The following DOCK6 variants were observed in gnomAD, a reference collection of about 807,000 sequenced individuals.
The protein encoded by DOCK6 is dedicator of cytokinesis protein 6.
A neutral mutation model predicts 230.3 loss-of-function variants in DOCK6; 167 were observed. That is an observed-to-expected ratio of 0.73 (90% CI 0.64 to 0.82). The LOEUF is 0.82. Ranked by LOEUF, DOCK6 falls within the 40% of genes least tolerant of loss-of-function variation. The pLI, the probability that DOCK6 is intolerant of heterozygous loss-of-function variation, is 0.00. For synonymous variants in DOCK6, 1,148 were observed against 1,185.0 expected (o/e 0.97, Z 0.64); for missense variants, 2,598 against 2,825.8 (o/e 0.92, Z 1.83).
intron 28 of DOCK6, 74 bp downstream of exon 28, chr19:11,221,777 C>T: frequency 6.2e-7 from 1 of 1,607,228 alleles, no homozygotes; most frequent in Non-Finnish European, 8.5e-7. Context: ...TGTGTTCTCC[C>T]ACCTTTACTA....
intron 6 of DOCK6, among the ~76,000 whole-genome samples, chr19:11,248,435 G>A (rs1322512024): frequency 4.6e-5 from 7 of 151,334 alleles, no homozygotes; most frequent in Non-Finnish European, 1.0e-4. Flanking sequence ...TTTTGAGATG[G>A]AGTCTCGCTC....
At chr19:11,254,541 A>G (rs2080169596) in intron 1 of DOCK6, among the ~76,000 whole-genome samples, 1 of 152,144 alleles carries the variant, frequency 6.6e-6, no homozygotes, top group African/African-American at 2.4e-5. Context: ...TAAAAGTACA[A>G]AAATTAGCCA....
chr19:11,237,568 G>T lies in DOCK6; in HGVS notation c.1972-11C>A. On this transcript the variant is annotated splice_polypyrimidine_tract_variant and intron_variant, in intron 17 of 47. Transcript: ENST00000294618. Reference sequence around the variant, plus strand: ...CAGCAGTGGGATCCACTGGGGAGAGGCTGGAGGTCAGGTCTGCGGCCAGGT... The same window carrying T: ...CAGCAGTGGGATCCACTGGGGAGAGTCTGGAGGTCAGGTCTGCGGCCAGGT... 1 of 1,611,640 alleles carries T rather than the reference G, an allele frequency of 6.2e-7. No individual in the cohort carries two copies. The highest frequency in any genetic ancestry group is 8.5e-7 in the Non-Finnish European group (1 of 1,179,346).
At position 11,200,625 on chromosome 19, in the gene DOCK6, TGGG is replaced by T; in HGVS notation, c.5939+88_5939+90del. ...GTGGACTTAATGGGAATCGGGCAGA[TGGG>T]GGAGCCATGCAGAGATCAGATGGGC... On this transcript the variant is annotated intron_variant, in intron 46 of 47. Coordinates refer to ENST00000294618, the MANE Select transcript of DOCK6 (RefSeq NM_020812.4). This position sits in a 1 kb window ranked among gnomAD's most constrained non-coding sequence, Gnocchi z 4.3. The T allele has an allele frequency of 6.7e-7, 1 of 1,494,720 alleles. No homozygotes were observed. 92.6% of individuals were successfully genotyped at this position (1,494,720 alleles called of 1,614,324 possible). A position where few individuals can be genotyped will look rare whatever the true frequency, so the allele number is the denominator to read the frequency against.
chr19:11,251,228 G>A (rs2080113493), intron 5 of DOCK6, 142 bp from the exon 6 acceptor site: 2 of 823,172 alleles, frequency 2.4e-6, no homozygotes, highest in Admixed American at 2.6e-5. Context: ...GGGTCACCTG[G>A]GGGTTTTGCC....
chr19:11,220,320 C>T (rs2079560605), intron 28 of DOCK6, among the ~76,000 whole-genome samples: 1 of 152,156 alleles, frequency 6.6e-6, no homozygotes. Context: ...AGGTAACCCC[C>T]ATTCTCTCCC....
chr19:11,238,333 G>A, intron 14 of DOCK6, 29 bp from the exon 15 acceptor site: 2 of 1,571,078 alleles, frequency 1.3e-6, no homozygotes, highest in Non-Finnish European at 1.7e-6. Flanking sequence ...GGGTGTCAGA[G>A]GGACAGGGGC....
At position 11,214,679 on chromosome 19, in the gene DOCK6, C is replaced by G. The variant is rs551409075; in HGVS notation, c.4107-30G>C. 12 of 1,603,410 alleles carry G rather than the reference C, an allele frequency of 7.5e-6. No individual in the cohort carries two copies. The African/African-American group carries it at 1.5e-4, about 20-fold the overall frequency. On this transcript the variant is annotated intron_variant, in intron 32 of 47. Coordinates refer to ENST00000294618, the MANE Select transcript of DOCK6 (RefSeq NM_020812.4). ...AAGGGGAAAGGAGGTCTTGGGGGCC[C>G]ACTCGGGGTGAGATCCTACTCCATG...
At position 11,250,926 on chromosome 19, in the gene DOCK6, C is replaced by T. The variant is rs1222202050; in HGVS notation, c.668G>A (p.Arg223Gln). 14 of 1,609,342 alleles carry T rather than the reference C, an allele frequency of 8.7e-6. No individual in the cohort carries two copies. Among genetic ancestry groups the T allele is most frequent in the Admixed American group, 6.7e-5 (4 of 59,936 alleles). The change falls in exon 6 of 48, where the codon CGA becomes CAA. Residue 223 changes from arginine (R) to glutamine (Q), a missense_variant. Coordinates refer to ENST00000294618, the MANE Select transcript of DOCK6 (RefSeq NM_020812.4). ...CAGGGCCGGGGGCCGGTGCTGCCGT[C>T]GAAGGGTTTCATTGCGCCGGTCCAC... is the stretch of plus-strand genomic sequence containing the variant. Reference protein sequence around the residue: ...EDVDRRNETLRRQHRPPALLT... With the variant: ...EDVDRRNETLQRQHRPPALLT...
At chr19:11,239,958 G>A (rs2079916099) in intron 14 of DOCK6, 8 of 1,564,816 alleles carry the variant, frequency 5.1e-6, no homozygotes, top group Non-Finnish European at 6.1e-6. Flanking sequence ...CTGCGACACT[G>A]TGGGGTGGCC....
intron 41 of DOCK6, chr19:11,203,433 G>A (rs2079203621): frequency 6.6e-6 from 1 of 151,718 alleles, no homozygotes; most frequent in East Asian, 2.0e-4. Flanking sequence ...TCCGTGGGGG[G>A]AGAGATCAGA....
intron 28 of DOCK6, among the ~76,000 whole-genome samples, chr19:11,219,080 T>C (rs943840835): frequency 3.3e-5 from 5 of 150,452 alleles, no homozygotes; most frequent in African/African-American, 1.2e-4. Context: ...GGTTTCACTA[T>C]GTTGGCCAGG....
intron 41 of DOCK6, chr19:11,203,640 TGAG>T (rs1053889124): frequency 5.3e-5 from 10 of 189,982 alleles, no homozygotes; most frequent in Admixed American, 4.8e-4. Flanking sequence ...TAACCAGAAA[TGAG>T]GAGCAGAGAG....
rs1356663574 is a variant in DOCK6 at position 11,245,691 on chromosome 19, C to G, written c.895G>C (p.Asp299His). The G allele has an allele frequency of 6.2e-7, 1 of 1,605,424 alleles. No individual in the cohort carries two copies. Among genetic ancestry groups the G allele is most frequent in the Non-Finnish European group, 8.5e-7 (1 of 1,175,146 alleles). The stretch of plus-strand genomic sequence containing the variant: ...CCCTTCATGGAGTCCGAGTTCAGGT[C>G]GAAGTAGAAGTTCTCCGAGATCTGG... ...KKKISENFYF[D>H]LNSDSMKGLL... Residue 299 changes from aspartate (D) to histidine (H), a missense_variant, in exon 9 of 48, where the codon GAC becomes CAC. Asp to His is a moderately conservative substitution (Grantham distance 81). Transcript: ENST00000294618.
chr19:11,240,225 G>A lies in DOCK6; in HGVS notation c.1643+1820C>T, dbSNP rs79566395. ...GGCACAGAAGGTGCTACGGGACAGCGTGCAGCGGCTAGAAGTCCAGCTGAG... is the reference window on the plus strand; with the variant it reads ...GGCACAGAAGGTGCTACGGGACAGCATGCAGCGGCTAGAAGTCCAGCTGAG... On this transcript the variant is annotated intron_variant, in intron 14 of 47. Coordinates refer to ENST00000294618, the MANE Select transcript of DOCK6 (RefSeq NM_020812.4). 117 of 1,573,302 alleles carry A rather than the reference G, an allele frequency of 7.4e-5. No homozygotes were observed. The East Asian group carries it at 1.5e-3, about 21-fold the overall frequency.
At chr19:11,215,146 C>CGT (rs1373751500) in intron 32 of DOCK6, among the ~76,000 whole-genome samples, 1 of 152,038 alleles carries the variant, frequency 6.6e-6, no homozygotes, top group Non-Finnish European at 1.5e-5. Flanking sequence ...AAGGTTTCAC[C>CGT]GTTAGCCAGG....
chr19:11,232,658 G>GCACCCC (rs1224645126), intron 22 of DOCK6, among the ~76,000 whole-genome samples: 3 of 152,000 alleles, frequency 2.0e-5, no homozygotes. Flanking sequence ...ATACGCACCC[G>GCACCCC]TGTCTGTATA....
chr19:11,235,858 G>A, intron 20 of DOCK6, 99 bp from the exon 21 acceptor site: 4 of 1,402,862 alleles, frequency 2.9e-6, no homozygotes, highest in Non-Finnish European at 3.8e-6. Context: ...GGGATCATGT[G>A]CTCATTAAGG....
rs1344694815 is a variant in DOCK6 at position 11,245,416 on chromosome 19, G to A, written c.1023+147C>T. The stretch of plus-strand genomic sequence containing the variant: ...TTGGTGATTTCTCCCCACCTGAGTT[G>A]GATCAGGGGCCTCCTCCCTGCCTGT... On this transcript the variant is annotated intron_variant, in intron 9 of 47. Transcript: ENST00000294618. 26 of 869,730 alleles carry A rather than the reference G, an allele frequency of 3.0e-5. No homozygotes were observed. In the Admixed American group the frequency reaches 3.2e-4, roughly 11 times the overall value. The allele number at this position is 869,730 out of a possible 1,614,324, so 53.9% of individuals were successfully genotyped here.
Sources: gnomAD v4.1 joint callset for allele counts (sites outside exome capture counted in the v4.1 genomes callset) on GRCh38, gnomAD v4.1.1 for gene constraint, Gnocchi (gnomAD v3.1) non-coding constraint, MANE v1.5 for transcripts, NCBI Gene and HGNC (gene_info 2026-07-23, HGNC 2026-07-21) for gene names.